The following DIP2C variants were observed in gnomAD, a reference collection of about 807,000 sequenced individuals.
DIP2C encodes disco-interacting protein 2 homolog C.
DIP2C carries 33 observed loss-of-function variants against 192.4 expected under a neutral mutation model. That is an observed-to-expected ratio of 0.17 (90% CI 0.13 to 0.23). The LOEUF (loss-of-function observed/expected upper bound fraction) is 0.23. DIP2C is among the 10% of genes least tolerant of loss of function. The probability of loss-of-function intolerance (pLI) is 1.00; values close to 1 mark genes in which losing one functional copy is unlikely to be tolerated. For missense variants in DIP2C, 1,537 were observed against 2,110.1 expected, an observed-to-expected ratio of 0.73 and a Z score of 5.32; for synonymous variants, 979 against 864.1, an observed-to-expected ratio of 1.13 and a Z score of -2.33.
intron 35 of DIP2C, 110 bp from the exon 36 acceptor site, chr10:281,433 A>T: frequency 7.0e-7 from 1 of 1,424,130 alleles, no homozygotes. Context: ...CAGGGATGCA[A>T]AGGAAGGGGC....
chr10:639,806 A>G (rs1046448254), intron 1 of DIP2C, among the ~76,000 whole-genome samples: 1 of 152,246 alleles, frequency 6.6e-6, no homozygotes, highest in African/African-American at 2.4e-5. Context: ...CACACAAATC[A>G]GCGACATCAC....
chr10:480,315 G>C (rs1021737697), intron 2 of DIP2C, among the ~76,000 whole-genome samples: 4 of 148,980 alleles, frequency 2.7e-5, no homozygotes, highest in African/African-American at 1.0e-4. Flanking sequence ...ACCAGCCTGA[G>C]CTCCGGTCCA....
At chr10:449,699 T>G (rs1968671705) in intron 3 of DIP2C, among the ~76,000 whole-genome samples, 1 of 147,760 alleles carries the variant, frequency 6.8e-6, no homozygotes, top group South Asian at 2.2e-4. Context: ...CGTTGGTGGG[T>G]GCAGCGCACC....
chr10:390,873 C>CA lies in DIP2C; in HGVS notation c.1261-11dup. 1 of 1,613,454 alleles carries CA rather than the reference C, an allele frequency of 6.2e-7. No individual in the cohort carries two copies. The highest frequency in any genetic ancestry group is 8.5e-7 in the Non-Finnish European group (1 of 1,179,686). On this transcript the variant is annotated splice_polypyrimidine_tract_variant and intron_variant, in intron 10 of 36. Coordinates refer to ENST00000280886, the MANE Select transcript of DIP2C (RefSeq NM_014974.3). ...GCTGGCTCCCTGCGTCCTGAGAGGG[C>CA]AACAGAGAGGAGTTGAGAATCCACG...
At chr10:397,746 A>G (rs1011606238) in intron 10 of DIP2C, among the ~76,000 whole-genome samples, 1 of 152,240 alleles carries the variant, frequency 6.6e-6, no homozygotes, top group African/African-American at 2.4e-5. Flanking sequence ...AGAACAAACC[A>G]TCCACATGGA....
intron 1 of DIP2C, among the ~76,000 whole-genome samples, chr10:530,288 A>G (rs542002121): frequency 1.3e-5 from 2 of 152,374 alleles, no homozygotes; most frequent in South Asian, 4.1e-4. Context: ...GGCTTGATTC[A>G]AAACAGCTTT....
In DIP2C at chr10:422,836, G is replaced by C. The variant is rs1686896731; in HGVS notation, c.592C>G (p.Gln198Glu). Reference protein sequence around the residue: ...AAHRLADVMAQTHIENHSAPP... With the variant: ...AAHRLADVMAETHIENHSAPP... ...GAAGCGTGCTCACCTATGTGGGTCT[G>C]AGCCATGACGTCCGCCAGCCTGTGG... The change falls in exon 5 of 37, where the codon CAG becomes GAG. Residue 198 changes from glutamine to glutamate, a missense_variant. This residue lies in a region of DIP2C where 473 missense variants were observed against 539.6 expected (regional missense o/e 0.88). Transcript: ENST00000280886. 3 of 1,611,970 alleles carry C rather than the reference G, an allele frequency of 1.9e-6. No individual in the cohort carries two copies. Among genetic ancestry groups the C allele is most frequent in the Non-Finnish European group, 2.5e-6 (3 of 1,179,900 alleles).
At chr10:524,449 A>G (rs1214126696) in intron 1 of DIP2C, among the ~76,000 whole-genome samples, 1 of 152,230 alleles carries the variant, frequency 6.6e-6, no homozygotes, top group Non-Finnish European at 1.5e-5. Flanking sequence ...GTGTATATAC[A>G]TGTAAATATA....
intron 1 of DIP2C, among the ~76,000 whole-genome samples, chr10:606,250 G>A (rs895295159): frequency 6.6e-6 from 1 of 152,134 alleles, no homozygotes; most frequent in Non-Finnish European, 1.5e-5. Context: ...CCCCCCCAGA[G>A]GACCACTGAG....
In DIP2C at chr10:386,295, G is replaced by A. The variant is rs566755816; in HGVS notation, c.1662+1450C>T. 5.1e-4 allele frequency among the ~76,000 whole-genome samples: 77 copies of A among 152,330 alleles called. 1 individual carries two copies. Among genetic ancestry groups the A allele is most frequent in the African/African-American group, 1.6e-3 (67 of 41,574 alleles). On this transcript the variant is annotated intron_variant, in intron 14 of 36. Transcript: ENST00000280886. ...ACCGGCCACGTCAAATAGGATCGTCGTTCCATTCACAGACAGAAAAACTGA... is the reference window on the plus strand; with the variant it reads ...ACCGGCCACGTCAAATAGGATCGTCATTCCATTCACAGACAGAAAAACTGA...
rs181244189 is a variant in DIP2C, at chr10:571,029, G to A, written c.86-84499C>T. Reference sequence around the variant, plus strand: ...CAGCGCCCTGGGCTGCGGCTTCCACGCTGGACCGGCACTGGCCTAACGACA... The same window carrying A: ...CAGCGCCCTGGGCTGCGGCTTCCACACTGGACCGGCACTGGCCTAACGACA... On this transcript the variant is annotated intron_variant, in intron 1 of 36. Coordinates refer to ENST00000280886, the MANE Select transcript of DIP2C (RefSeq NM_014974.3). Among the ~76,000 whole-genome samples the A allele has an allele frequency of 4.6e-3, 708 of 152,280 alleles. 6 individuals carry two copies. The highest frequency in any genetic ancestry group is 0.016 in the African/African-American group (656 of 41,562).
rs558242261 is a variant in DIP2C, at chr10:510,885, T to C, written c.86-24355A>G. 2.6e-5 allele frequency among the ~76,000 whole-genome samples: 4 copies of C among 152,190 alleles called. No homozygotes were observed. In the South Asian group the frequency reaches 8.3e-4, roughly 32 times the overall value. On this transcript the variant is annotated intron_variant, in intron 1 of 36. Transcript: ENST00000280886. The stretch of plus-strand genomic sequence containing the variant: ...CATGCTGGCTGCTCAGAGCTGGTGG[T>C]GTGGGACAGCCAGGACATCACTTAG...
intron 1 of DIP2C, chr10:650,402 C>G (rs984631563): frequency 2.2e-5 from 16 of 715,916 alleles, no homozygotes; most frequent in Non-Finnish European, 4.2e-5. Context: ...CGCCCCAGAC[C>G]AACACGAGAA....
chr10:384,675 G>C, intron 14 of DIP2C, 36 bp from the exon 15 acceptor site: 4 of 1,605,574 alleles, frequency 2.5e-6, no homozygotes, highest in South Asian at 1.1e-5. Flanking sequence ...GGTGAGCATG[G>C]AGGGGCACGC....
chr10:421,064 T>C (rs1329369816), intron 5 of DIP2C, among the ~76,000 whole-genome samples: 1 of 152,262 alleles, frequency 6.6e-6, no homozygotes, highest in South Asian at 2.1e-4. Flanking sequence ...TTTCCTTTTC[T>C]GATTAAGTTT....
intron 1 of DIP2C, among the ~76,000 whole-genome samples, chr10:603,247 C>T (rs888166028): frequency 6.3e-5 from 8 of 127,156 alleles, no homozygotes; most frequent in African/African-American, 2.1e-4. Flanking sequence ...TGCAGTGAGC[C>T]GAGGCTGCGC....
chr10:385,274 G>C lies in DIP2C; in HGVS notation c.1663-635C>G, dbSNP rs1042271278. ...TGGGAATGGCAGGGATGGCTGGTCT[G>C]CATGAATGTGACACGGTAGGGTCTG... On this transcript the variant is annotated intron_variant, in intron 14 of 36. Transcript: ENST00000280886. Among the ~76,000 whole-genome samples the C allele has an allele frequency of 2.0e-5, 3 of 152,122 alleles. No individual in the cohort carries two copies. The East Asian group carries it at 5.8e-4, about 29-fold the overall frequency.
intron 1 of DIP2C, among the ~76,000 whole-genome samples, chr10:486,971 T>A (rs1206343904): frequency 1.3e-5 from 2 of 152,196 alleles, no homozygotes; most frequent in Non-Finnish European, 2.9e-5. Flanking sequence ...AGCAGGTCGG[T>A]CACAAGGACT....
intron 1 of DIP2C, among the ~76,000 whole-genome samples, chr10:507,371 G>C (rs1490603732): frequency 6.8e-6 from 1 of 147,642 alleles, no homozygotes; most frequent in Non-Finnish European, 1.5e-5. Context: ...AACCAGAGCT[G>C]TGCGAGGTTA....
Sources: gnomAD v4.1 joint callset for allele counts (sites outside exome capture counted in the v4.1 genomes callset) on GRCh38, gnomAD v4.1.1 for gene constraint, gnomAD v4.1.1 regional missense constraint, MANE v1.5 for transcripts, NCBI Gene and HGNC (gene_info 2026-07-23, HGNC 2026-07-21) for gene names.